The following ANKS1B variants were observed in gnomAD, a reference collection of about 807,000 sequenced individuals.
ANKS1B encodes ankyrin repeat and sterile alpha motif domain-containing protein 1B.
In ANKS1B, 36 loss-of-function variants were observed where a neutral mutation model predicts 148.3. The ratio of observed to expected loss-of-function variants is 0.24; its 90% confidence interval spans 0.19 to 0.32. The LOEUF is 0.32. Among genes scored for constraint, ANKS1B ranks in the 10% least tolerant of loss-of-function variants. ANKS1B has a pLI of 1.00. For missense variants in ANKS1B, 1,157 were observed against 1,542.6 expected (o/e 0.75, Z 4.19); for synonymous variants, 542 against 560.8 (o/e 0.97, Z 0.47).
At chr12:99,649,395 A>G (rs2098403499) in intron 9 of ANKS1B, 2 of 1,611,876 alleles carry the variant, frequency 1.2e-6, no homozygotes, top group Non-Finnish European at 8.5e-7. Context: ...CAATAGAGAT[A>G]TGAATCCAAC....
At chr12:99,296,257 T>C (rs544097059) in intron 12 of ANKS1B, among the ~76,000 whole-genome samples, 3 of 152,296 alleles carry the variant, frequency 2.0e-5, no homozygotes, top group Admixed American at 2.0e-4. Flanking sequence ...TTGAAGTCAG[T>C]TGGTGTGTCT....
chr12:99,847,726 T>A (rs1015397677), intron 1 of ANKS1B, among the ~76,000 whole-genome samples: 1 of 152,176 alleles, frequency 6.6e-6, no homozygotes, highest in African/African-American at 2.4e-5. Context: ...ATTAAATAAA[T>A]CTGTTATTCT....
intron 1 of ANKS1B, among the ~76,000 whole-genome samples, chr12:99,894,292 G>A (rs1262383571): frequency 4.4e-4 from 18 of 41,204 alleles, no homozygotes; most frequent in African/African-American, 1.4e-3. Flanking sequence ...AGGAAGGAAG[G>A]GAGGGAGGGA....
At chr12:99,707,283 C>T (rs1048276452) in intron 8 of ANKS1B, among the ~76,000 whole-genome samples, 9 of 152,006 alleles carry the variant, frequency 5.9e-5, no homozygotes, top group Admixed American at 1.3e-4. Flanking sequence ...AGGTTCAGCA[C>T]GGCAACCTCA....
rs369793023 is a variant in ANKS1B at position 99,294,155 on chromosome 12, C to T, written c.1757-47291G>A. On this transcript the variant is annotated intron_variant, in intron 12 of 26. Transcript: ENST00000683438. The stretch of plus-strand genomic sequence containing the variant: ...ACTACAAATAGAACCACCATATGTT[C>T]CAGCAATCCCAGTGCTAGTTATATA... Among the ~76,000 whole-genome samples, 41 of 152,262 alleles carry T rather than the reference C, an allele frequency of 2.7e-4. No individual in the cohort carries two copies. In the South Asian group the frequency reaches 2.9e-3, roughly 11 times the overall value.
chr12:99,193,303 T>C (rs1414668544), intron 14 of ANKS1B, among the ~76,000 whole-genome samples: 1 of 152,170 alleles, frequency 6.6e-6, no homozygotes, highest in Non-Finnish European at 1.5e-5. Context: ...TAAAGAGTTA[T>C]CGACCTATCT....
intron 1 of ANKS1B, among the ~76,000 whole-genome samples, chr12:99,875,218 G>T (rs1356620684): frequency 1.3e-5 from 2 of 152,150 alleles, no homozygotes; most frequent in African/African-American, 4.8e-5. Flanking sequence ...TAAATGCAGT[G>T]ATGTTTGGGA....
At chr12:99,549,512 CCTCA>C (rs1487103018) in intron 9 of ANKS1B, among the ~76,000 whole-genome samples, 1 of 151,990 alleles carries the variant, frequency 6.6e-6, no homozygotes, top group African/African-American at 2.4e-5. Flanking sequence ...TTCTTCTCTC[CCTCA>C]CTCTTTTCTT....
intron 5 of ANKS1B, among the ~76,000 whole-genome samples, chr12:99,780,254 A>G (rs2064123902): frequency 6.6e-6 from 1 of 152,104 alleles, no homozygotes; most frequent in African/African-American, 2.4e-5. Context: ...CCCAATGTTT[A>G]AGATTGTTTT....
chr12:99,786,514 A>G (rs1286028963), intron 4 of ANKS1B, among the ~76,000 whole-genome samples: 1 of 152,144 alleles, frequency 6.6e-6, no homozygotes, highest in Non-Finnish European at 1.5e-5. Context: ...ACAACAACAC[A>G]TTGCACAGAA....
intron 10 of ANKS1B, among the ~76,000 whole-genome samples, chr12:99,458,762 G>A (rs941757922): frequency 6.6e-6 from 1 of 151,674 alleles, no homozygotes; most frequent in African/African-American, 2.4e-5. Flanking sequence ...GATTGAAATG[G>A]TAATTAAAAA....
chr12:98,933,224 A>T lies in ANKS1B; in HGVS notation c.2779-101088T>A, dbSNP rs191696092. Among the ~76,000 whole-genome samples, 399 of 152,316 alleles carry T rather than the reference A, an allele frequency of 2.6e-3. 3 individuals carry two copies. The highest frequency in any genetic ancestry group is 4.6e-3 in the Non-Finnish European group (312 of 68,010). On this transcript the variant is annotated intron_variant, in intron 17 of 26. Coordinates refer to ENST00000683438, the MANE Select transcript of ANKS1B (RefSeq NM_001352186.2). ...TTGACAATTTCAGATGCCTTACACA[A>T]GTAGCATTATGTAGTATTTGAATTT... is the stretch of plus-strand genomic sequence containing the variant.
At chr12:99,911,728 C>A (rs185243102) in intron 1 of ANKS1B, among the ~76,000 whole-genome samples, 5 of 152,108 alleles carry the variant, frequency 3.3e-5, no homozygotes, top group Non-Finnish European at 5.9e-5. Flanking sequence ...CTTTAAAAAT[C>A]GTCAACTCAT....
intron 12 of ANKS1B, among the ~76,000 whole-genome samples, chr12:99,376,988 C>A (rs1043129004): frequency 2.6e-5 from 4 of 151,788 alleles, no homozygotes; most frequent in African/African-American, 9.7e-5. Context: ...TACACACACA[C>A]ACACACACCC....
Position 99,831,718 on chromosome 12 carries a change from G to GA in ANKS1B, c.135-6330_135-6329insT, listed in dbSNP as rs369187095. ...ATGGCTTGAGCTCCTACTGATCAGG[G>GA]TTTTTTTTTTTTAGCTTATGTGAAC... is the stretch of plus-strand genomic sequence containing the variant. On this transcript the variant is annotated intron_variant, in intron 1 of 26. Transcript: ENST00000683438. 8.3e-3 allele frequency among the ~76,000 whole-genome samples: 1,197 copies of GA among 143,770 alleles called. 16 individuals carry two copies. The highest frequency in any genetic ancestry group is 0.029 in the African/African-American group (1,131 of 39,454). The allele number at this position is 143,770 out of a possible 152,430, so 94.3% of individuals were successfully genotyped here. A position where few individuals can be genotyped will look rare whatever the true frequency, so the allele number is the denominator to read the frequency against.
intron 18 of ANKS1B, among the ~76,000 whole-genome samples, chr12:98,830,821 C>G (rs1376541462): frequency 6.6e-6 from 1 of 152,030 alleles, no homozygotes; most frequent in Non-Finnish European, 1.5e-5. Context: ...TTGCCACTGC[C>G]ATTTTTGCCT....
At chr12:99,892,605 A>G (rs2093171805) in intron 1 of ANKS1B, among the ~76,000 whole-genome samples, 1 of 152,234 alleles carries the variant, frequency 6.6e-6, no homozygotes, top group South Asian at 2.1e-4. Flanking sequence ...CATCAGGTAC[A>G]TCTCTGGAGA....
chr12:99,186,710 C>T (rs1489736237), intron 14 of ANKS1B, among the ~76,000 whole-genome samples: 1 of 152,132 alleles, frequency 6.6e-6, no homozygotes, highest in Admixed American at 6.5e-5. Context: ...ACAGAAATGA[C>T]ATCCACACCA....
intron 14 of ANKS1B, among the ~76,000 whole-genome samples, chr12:99,213,229 GCTT>G (rs1285229604): frequency 5.3e-5 from 8 of 152,196 alleles, no homozygotes; most frequent in Admixed American, 1.3e-4. Flanking sequence ...CGCACGGCCT[GCTT>G]CTCTCTACCC....
Sources: allele counts gnomAD v4.1 joint callset (sites outside exome capture counted in the v4.1 genomes callset), GRCh38; gene constraint gnomAD v4.1.1; transcripts MANE v1.5; gene names NCBI Gene and HGNC (gene_info 2026-07-23, HGNC 2026-07-21).